HYCC2: variants seen among roughly 807,000 people sequenced by gnomAD.
The protein encoded by HYCC2 is hyccin PI4KA lipid kinase complex subunit 2, also known as hyccin 2.
the HYCC2 span, among the ~76,000 whole-genome samples, chr2:201,032,827 T>A: frequency 6.6e-6 from 1 of 152,130 alleles, no homozygotes; most frequent in Admixed American, 6.5e-5. Context: ...TGGCTAATTT[T>A]TTATAATTTT....
chr2:200,985,995 G>A, the HYCC2 span, among the ~76,000 whole-genome samples: 1 of 152,108 alleles, frequency 6.6e-6, no homozygotes, highest in Non-Finnish European at 1.5e-5. Context: ...GTAGATAAGT[G>A]GCTCAGTCAT....
the HYCC2 span, among the ~76,000 whole-genome samples, chr2:201,050,784 A>C: frequency 6.6e-6 from 1 of 151,690 alleles, no homozygotes; most frequent in Non-Finnish European, 1.5e-5. Flanking sequence ...AAAATATAAA[A>C]ATTAGCCAGG....
chr2:201,014,812 G>A, the HYCC2 span, among the ~76,000 whole-genome samples: 1 of 151,982 alleles, frequency 6.6e-6, no homozygotes, highest in African/African-American at 2.4e-5. Context: ...TGTTTATAAT[G>A]TATACTAAAT....
the HYCC2 span, chr2:200,992,192 C>T: frequency 2.4e-6 from 2 of 823,624 alleles, no homozygotes; most frequent in Non-Finnish European, 2.0e-6. Flanking sequence ...ACAAATTTTC[C>T]CCTAATTATT....
chr2:201,057,736 A>T, the HYCC2 span, among the ~76,000 whole-genome samples: 14 of 152,270 alleles, frequency 9.2e-5, no homozygotes, highest in South Asian at 2.9e-3. Flanking sequence ...GAAAAAAAAA[A>T]ACTTAGGCCT....
chr2:201,023,783 T>C, the HYCC2 span: 2 of 523,284 alleles, frequency 3.8e-6, no homozygotes, highest in Non-Finnish European at 6.9e-6. Flanking sequence ...ATTAGTACCA[T>C]TTTTAAGAAC....
the HYCC2 span, among the ~76,000 whole-genome samples, chr2:201,020,794 G>A: frequency 6.6e-6 from 1 of 152,176 alleles, no homozygotes; most frequent in Non-Finnish European, 1.5e-5. Context: ...CTGAGATGGA[G>A]TCTTGGCTTT....
At chr2:201,062,699 T>A in the HYCC2 span, among the ~76,000 whole-genome samples, 1 of 147,460 alleles carries the variant, frequency 6.8e-6, no homozygotes, top group African/African-American at 2.5e-5. Flanking sequence ...GCGCCTGTAA[T>A]CCCAGCTACT....
chr2:201,051,421 T>C, the HYCC2 span, among the ~76,000 whole-genome samples: 307 of 152,186 alleles, frequency 2.0e-3, no homozygotes, highest in African/African-American at 7.1e-3. Flanking sequence ...AGAAATGCTA[T>C]TACTCACAGA....
the HYCC2 span, chr2:201,063,330 G>A: frequency 7.8e-4 from 1,201 of 1,546,416 alleles, 1 homozygote; most frequent in Non-Finnish European, 1.0e-3. Flanking sequence ...AAGGTGGATG[G>A]AAGAGTCGTG....
the HYCC2 span, among the ~76,000 whole-genome samples, chr2:201,042,104 A>G: frequency 1.4e-4 from 22 of 152,284 alleles, no homozygotes; most frequent in African/African-American, 5.1e-4. Context: ...TTGCAGGCAC[A>G]TGCCGCCACA....
At chr2:201,051,738 G>A in the HYCC2 span, among the ~76,000 whole-genome samples, 1 of 152,168 alleles carries the variant, frequency 6.6e-6, no homozygotes, top group Non-Finnish European at 1.5e-5. Flanking sequence ...AAAGATGTCA[G>A]TTCTCCCTCA....
the HYCC2 span, among the ~76,000 whole-genome samples, chr2:200,991,133 T>C: frequency 6.6e-6 from 1 of 152,250 alleles, no homozygotes; most frequent in Non-Finnish European, 1.5e-5. Flanking sequence ...GCTGAAAATA[T>C]GTTTCTCAGT....
chr2:201,005,886 G>A, the HYCC2 span, among the ~76,000 whole-genome samples: 1 of 152,128 alleles, frequency 6.6e-6, no homozygotes, highest in East Asian at 1.9e-4. Flanking sequence ...AGGCTGGAGT[G>A]CAATGGCACG....
the HYCC2 span, among the ~76,000 whole-genome samples, chr2:200,994,262 A>C: frequency 6.6e-6 from 1 of 151,850 alleles, no homozygotes; most frequent in African/African-American, 2.4e-5. Context: ...TTGGAGACGG[A>C]GTCTCGCTCT....
At chr2:201,043,414 A>T in the HYCC2 span, among the ~76,000 whole-genome samples, 2 of 150,536 alleles carry the variant, frequency 1.3e-5, no homozygotes, top group African/African-American at 4.9e-5. Flanking sequence ...GAAACACCCA[A>T]GAATGATCAA....
At chr2:201,040,970 G>GTTAAC in the HYCC2 span, among the ~76,000 whole-genome samples, 2 of 152,122 alleles carry the variant, frequency 1.3e-5, no homozygotes, top group Non-Finnish European at 2.9e-5. Flanking sequence ...GGTTGCCTAA[G>GTTAAC]GTTAAGGTCA....
At chr2:201,040,577 C>T in the HYCC2 span, among the ~76,000 whole-genome samples, 1 of 151,914 alleles carries the variant, frequency 6.6e-6, no homozygotes, top group Non-Finnish European at 1.5e-5. Flanking sequence ...CAACCTCCAC[C>T]TCCCAGATTC....
At chr2:200,975,239 T>C in the HYCC2 span, 5 of 152,018 alleles carry the variant, frequency 3.3e-5, no homozygotes, top group Non-Finnish European at 5.9e-5. Context: ...AGATACTTTA[T>C]ATGTTAAAGA....
Sources: allele counts gnomAD v4.1 joint callset (sites outside exome capture counted in the v4.1 genomes callset), GRCh38; gene constraint gnomAD v4.1.1; transcripts MANE v1.5; gene names NCBI Gene and HGNC (gene_info 2026-07-23, HGNC 2026-07-21).